Variants in TESK2 observed in about 807,000 individuals in gnomAD.
The protein encoded by TESK2 is dual specificity testis-specific protein kinase 2.
A neutral mutation model predicts 57.1 loss-of-function variants in TESK2; 39 were observed. That is an observed-to-expected ratio of 0.68 (90% CI 0.53 to 0.89). The LOEUF (loss-of-function observed/expected upper bound fraction) is 0.89, where lower values mean the gene tolerates loss of function less well. Among genes scored for constraint, TESK2 ranks in the 40% least tolerant of loss-of-function variants. The probability of loss-of-function intolerance (pLI) is 0.00; values close to 1 mark genes in which losing one functional copy is unlikely to be tolerated. For synonymous variants in TESK2, 249 were observed against 267.9 expected (o/e 0.93, Z 0.69); for missense variants, 646 against 732.1 (o/e 0.88, Z 1.36).
At chr1:45,440,344 A>C (rs1380576865) in intron 2 of TESK2, among the ~76,000 whole-genome samples, 2 of 152,190 alleles carry the variant, frequency 1.3e-5, no homozygotes, top group Non-Finnish European at 2.9e-5. Context: ...TCATGCTATG[A>C]AAACTATGAT....
intron 2 of TESK2, among the ~76,000 whole-genome samples, chr1:45,449,115 C>A (rs1423590610): frequency 1.3e-5 from 2 of 150,856 alleles, no homozygotes; most frequent in Non-Finnish European, 2.9e-5. Flanking sequence ...CCCAGCTACT[C>A]AGGAAGCTGA....
At chr1:45,474,036 AATG>A (rs1652876663) in intron 1 of TESK2, among the ~76,000 whole-genome samples, 1 of 152,192 alleles carries the variant, frequency 6.6e-6, no homozygotes, top group African/African-American at 2.4e-5. Context: ...TAAGTATAAT[AATG>A]ATATTAAGAT....
intron 2 of TESK2, among the ~76,000 whole-genome samples, chr1:45,444,348 TCCC>T (rs748892746): frequency 1.3e-5 from 2 of 152,132 alleles, no homozygotes; most frequent in Non-Finnish European, 1.5e-5. Context: ...ACAGACCTAT[TCCC>T]CCCTTTCCCA....
chr1:45,387,962 G>A (rs1052711893), intron 3 of TESK2, among the ~76,000 whole-genome samples: 2 of 152,134 alleles, frequency 1.3e-5, no homozygotes, highest in African/African-American at 2.4e-5. Context: ...AGCCGAGATC[G>A]TGCCATTGCA....
At chr1:45,372,862 C>T (rs971602242) in intron 4 of TESK2, among the ~76,000 whole-genome samples, 2 of 151,256 alleles carry the variant, frequency 1.3e-5, no homozygotes, top group African/African-American at 4.9e-5. Context: ...AACCCCATCT[C>T]TACTAAAAAT....
chr1:45,374,878 C>T lies in TESK2; in HGVS notation c.393+11034G>A, dbSNP rs544160391. 2.6e-5 allele frequency among the ~76,000 whole-genome samples: 4 copies of T among 152,308 alleles called. No individual in the cohort carries two copies. The East Asian group carries it at 7.7e-4, about 29-fold the overall frequency. ...TTTTTTAGGTGTTCAGGCCAAAAACCTCAGAGTTATCCTTGACTTCTCTCA... is the reference window on the plus strand; with the variant it reads ...TTTTTTAGGTGTTCAGGCCAAAAACTTCAGAGTTATCCTTGACTTCTCTCA... On this transcript the variant is annotated intron_variant, in intron 4 of 10. Coordinates refer to ENST00000372086, the MANE Select transcript of TESK2 (RefSeq NM_007170.3).
chr1:45,369,174 G>C (rs557927614), intron 4 of TESK2, among the ~76,000 whole-genome samples: 6 of 152,248 alleles, frequency 3.9e-5, no homozygotes, highest in African/African-American at 7.2e-5. Flanking sequence ...GTACATTTAT[G>C]TAGGGAAGCT....
intron 3 of TESK2, among the ~76,000 whole-genome samples, chr1:45,419,143 A>G (rs898192778): frequency 3.3e-5 from 5 of 151,832 alleles, no homozygotes; most frequent in African/African-American, 1.2e-4. Context: ...ACACCCAGCT[A>G]ATTTTTGTAT....
chr1:45,367,964 C>G (rs142413777), intron 4 of TESK2, among the ~76,000 whole-genome samples: 1 of 148,586 alleles, frequency 6.7e-6, no homozygotes, highest in South Asian at 2.1e-4. Flanking sequence ...TGGCAAAGCA[C>G]TTTCATAGTT....
intron 1 of TESK2, among the ~76,000 whole-genome samples, chr1:45,474,904 G>T (rs889032341): frequency 6.6e-6 from 1 of 151,520 alleles, no homozygotes; most frequent in Non-Finnish European, 1.5e-5. Flanking sequence ...AATAATGTGA[G>T]ATGGTAAAGC....
chr1:45,368,942 A>G (rs916457927), intron 4 of TESK2, among the ~76,000 whole-genome samples: 1 of 150,150 alleles, frequency 6.7e-6, no homozygotes, highest in African/African-American at 2.5e-5. Flanking sequence ...TTTAGTGGAG[A>G]TGGGGTTTCA....
In TESK2 at chr1:45,402,529, C is replaced by T. The variant is rs113479597; in HGVS notation, c.345-16569G>A. On this transcript the variant is annotated intron_variant, in intron 3 of 10. Coordinates refer to ENST00000372086, the MANE Select transcript of TESK2 (RefSeq NM_007170.3). ...CTGAGTTTAGCTCTTGTTGCCCAGG[C>T]TGGAGTGCAATGGTGCGATCTTGGC... 5.3e-3 allele frequency among the ~76,000 whole-genome samples: 791 copies of T among 150,120 alleles called. 8 individuals carry two copies. The highest frequency in any genetic ancestry group is 0.018 in the African/African-American group (749 of 40,860).
At chr1:45,418,470 T>C (rs1023396261) in intron 3 of TESK2, among the ~76,000 whole-genome samples, 1 of 152,210 alleles carries the variant, frequency 6.6e-6, no homozygotes, top group Non-Finnish European at 1.5e-5. Context: ...AAAGCATTTC[T>C]GGATAATTTG....
intron 1 of TESK2, among the ~76,000 whole-genome samples, chr1:45,468,618 T>G (rs1394831843): frequency 6.6e-6 from 1 of 152,226 alleles, no homozygotes; most frequent in Non-Finnish European, 1.5e-5. Flanking sequence ...ATTACCTCTC[T>G]TGGTCTTATA....
rs1648879889 is a variant in TESK2 at position 45,386,054 on chromosome 1, AACCT to A, written c.345-98_345-95del. 5.5e-6 allele frequency: 5 copies of A among 916,596 alleles called. No individual in the cohort carries two copies. In the Admixed American group the frequency reaches 6.0e-5, roughly 11 times the overall value. The allele number at this position is 916,596 out of a possible 1,614,324, so 56.8% of individuals were successfully genotyped here. On this transcript the variant is annotated intron_variant, in intron 3 of 10. Coordinates refer to ENST00000372086, the MANE Select transcript of TESK2 (RefSeq NM_007170.3). The stretch of plus-strand genomic sequence containing the variant: ...GGTTAGTTACCCATGCATTAGAAAC[AACCT>A]GTGGGGTGCGGCATGATGGCTTACA...
chr1:45,394,239 C>T (rs1007994090), intron 3 of TESK2, among the ~76,000 whole-genome samples: 1 of 151,270 alleles, frequency 6.6e-6, no homozygotes, highest in African/African-American at 2.4e-5. Context: ...GCTGCAGCCT[C>T]AACCTCCCAG....
chr1:45,481,248 C>A (rs1371314207), intron 1 of TESK2, among the ~76,000 whole-genome samples: 1 of 151,882 alleles, frequency 6.6e-6, no homozygotes, highest in Non-Finnish European at 1.5e-5. Context: ...GCCTGTAGTC[C>A]CAGCTACTCG....
chr1:45,453,997 T>C (rs1387444308), intron 2 of TESK2, among the ~76,000 whole-genome samples: 2 of 152,064 alleles, frequency 1.3e-5, no homozygotes, highest in Non-Finnish European at 2.9e-5. Context: ...AATAGGATGA[T>C]TACCATGAAA....
At chr1:45,414,965 A>G (rs1179184705) in intron 3 of TESK2, 1 of 596,154 alleles carries the variant, frequency 1.7e-6, no homozygotes, top group African/African-American at 1.9e-5. Flanking sequence ...TGAATAAAAA[A>G]AAGATAGGTG....
Sources: allele counts gnomAD v4.1 joint callset (sites outside exome capture counted in the v4.1 genomes callset), GRCh38; gene constraint gnomAD v4.1.1; transcripts MANE v1.5; gene names NCBI Gene and HGNC (gene_info 2026-07-23, HGNC 2026-07-21).